Variants in DCHS2 observed in about 807,000 individuals in gnomAD.
The protein encoded by DCHS2 is dachsous cadherin-related 2.
In DCHS2, 142 loss-of-function variants were observed where a neutral mutation model predicts 182.4. The ratio of observed to expected loss-of-function variants is 0.78; its 90% CI spans 0.68 to 0.89. DCHS2 has a LOEUF of 0.89. Among genes scored for constraint, DCHS2 ranks in the 40% least tolerant of loss-of-function variants. The probability of loss-of-function intolerance (pLI) is 0.00; values close to 1 mark genes in which losing one functional copy is unlikely to be tolerated. For missense variants in DCHS2, 4,319 were observed against 4,198.6 expected (o/e 1.03, Z -0.79); for synonymous variants, 1,740 against 1,663.3 (o/e 1.05, Z -1.12).
chr4:154,321,039 T>C lies in DCHS2; in HGVS notation c.4360A>G (p.Ile1454Val), dbSNP rs750205320. The stretch of plus-strand genomic sequence containing the variant: ...AACAAGTCTCCGGTTGAGCTGTCTA[T>C]TTCAAAGTGTCCATCCTTATCATCT... ...VADDKDGHFE[I>V]DSSTGDLFLS... The change falls in exon 9 of 20, where the codon ATA (isoleucine) becomes GTA (valine). Residue 1454 changes from isoleucine to valine, a missense_variant. Coordinates refer to ENST00000357232, the MANE Select transcript of DCHS2 (RefSeq NM_001358235.2). 4 of 1,613,544 alleles carry C rather than the reference T, an allele frequency of 2.5e-6. No homozygotes were observed. In the African/African-American group the frequency reaches 5.3e-5, roughly 22 times the overall value.
At chr4:154,457,452 T>C (rs1412238160) in intron 1 of DCHS2, among the ~76,000 whole-genome samples, 3 of 152,162 alleles carry the variant, frequency 2.0e-5, no homozygotes, top group Non-Finnish European at 2.9e-5. Flanking sequence ...CATGCCTGGT[T>C]CCTCTAGCTC....
At chr4:154,343,732 C>T (rs1340814434) in intron 3 of DCHS2, 1 of 1,205,150 alleles carries the variant, frequency 8.3e-7, no homozygotes, top group Non-Finnish European at 1.0e-6. Flanking sequence ...ATCCAGACCA[C>T]TCAAACTTTC....
intron 3 of DCHS2, chr4:154,355,643 G>GACCAGCATTCCAGTA (rs1729825798): frequency 6.6e-6 from 1 of 152,138 alleles, no homozygotes; most frequent in Non-Finnish European, 1.5e-5. Context: ...TCTAGACCAG[G>GACCAGCATTCCAGTA]ACCAGCATTC....
intron 13 of DCHS2, among the ~76,000 whole-genome samples, chr4:154,282,082 T>G (rs1315189487): frequency 6.6e-6 from 1 of 152,008 alleles, no homozygotes; most frequent in African/African-American, 2.4e-5. Context: ...ATTAATATAA[T>G]ATAGGAGGAG....
At position 154,235,028 on chromosome 4, in the gene DCHS2, T is replaced by C. The variant is rs765745454; in HGVS notation, c.9624A>G (p.Ser3208=). 2.0e-5 allele frequency: 33 copies of C among 1,613,900 alleles called. No individual in the cohort carries two copies. Among genetic ancestry groups the C allele is most frequent in the Non-Finnish European group, 2.6e-5 (31 of 1,179,984 alleles). ...ADVRKESVFI[S]GDQEVRCAAL... ...CTGCACACCTTACTTCCTGATCACC[T>C]GAAATAAAGACAGACTCTTTTCTAA... is the stretch of plus-strand genomic sequence containing the variant. Residue 3208 remains serine (S), a synonymous_variant, in exon 20 of 20, where the codon TCA becomes TCG. Transcript: ENST00000357232.
At chr4:154,271,003 G>A (rs975981777) in intron 13 of DCHS2, among the ~76,000 whole-genome samples, 4 of 152,136 alleles carry the variant, frequency 2.6e-5, no homozygotes, top group Admixed American at 1.3e-4. Flanking sequence ...ATTCAGTTAG[G>A]TATAGGAATT....
At chr4:154,300,471 T>G (rs1294586072) in intron 12 of DCHS2, among the ~76,000 whole-genome samples, 1 of 141,664 alleles carries the variant, frequency 7.1e-6, no homozygotes, top group Non-Finnish European at 1.5e-5. Context: ...TCCAGGAATT[T>G]GAGTCCAGCC....
Position 154,236,930 on chromosome 4 carries a change from G to T in DCHS2, c.7722C>A (p.Ile2574=). The T allele has an allele frequency of 6.2e-7, 1 of 1,614,040 alleles. No homozygotes were observed. The highest frequency in any genetic ancestry group is 8.5e-7 in the Non-Finnish European group (1 of 1,179,940). Residue 2574 remains isoleucine (I), a synonymous_variant, in exon 20 of 20, where the codon ATC becomes ATA. Coordinates refer to ENST00000357232, the MANE Select transcript of DCHS2 (RefSeq NM_001358235.2). Reference sequence around the variant, plus strand: ...TGTTTTCACGGGTCCAGTCATGGTCGATGTTTGAAAATGTAACAAGCGTGC... The same window carrying T: ...TGTTTTCACGGGTCCAGTCATGGTCTATGTTTGAAAATGTAACAAGCGTGC... The part of the protein sequence containing the change: ...VGSTLVTFSN[I]DHDWTRENTY...
chr4:154,473,386 G>T (rs1171097901), intron 1 of DCHS2, among the ~76,000 whole-genome samples: 1 of 152,180 alleles, frequency 6.6e-6, no homozygotes, highest in Non-Finnish European at 1.5e-5. Context: ...GTGACCAGCT[G>T]CAAGGAAAGA....
chr4:154,309,303 C>T (rs1245566363), intron 10 of DCHS2, among the ~76,000 whole-genome samples: 3 of 152,180 alleles, frequency 2.0e-5, no homozygotes, highest in Non-Finnish European at 1.5e-5. Flanking sequence ...AACTACCTCT[C>T]TCCTAGGGTT....
At chr4:154,265,987 A>T (rs1474871373) in intron 14 of DCHS2, among the ~76,000 whole-genome samples, 1 of 152,186 alleles carries the variant, frequency 6.6e-6, no homozygotes. Flanking sequence ...TAGGCACAGT[A>T]AGAAATTAAC....
chr4:154,490,239 G>C lies in DCHS2; in HGVS notation c.1117C>G (p.Arg373Gly). The change falls in exon 1 of 20, where the codon CGC becomes GGC. Residue 373 changes from arginine (R) to glycine (G), a missense_variant. Physicochemically the swap from Arg to Gly is moderately radical, Grantham distance 125 (BLOSUM62 -2). Coordinates refer to ENST00000357232, the MANE Select transcript of DCHS2 (RefSeq NM_001358235.2). ...GVVRVWRPLD[R>G]EAQAWHQLVV... Reference sequence around the variant, plus strand: ...AACTGGTGCCAGGCCTGTGCCTCGCGGTCCAGAGGTCTCCACACTCGCACC... The same window carrying C: ...AACTGGTGCCAGGCCTGTGCCTCGCCGTCCAGAGGTCTCCACACTCGCACC... The C allele has an allele frequency of 6.5e-7, 1 of 1,549,500 alleles. No individual in the cohort carries two copies. The highest frequency in any genetic ancestry group is 8.7e-7 in the Non-Finnish European group (1 of 1,146,740).
At chr4:154,352,001 C>T (rs1005178302) in intron 3 of DCHS2, among the ~76,000 whole-genome samples, 1 of 151,952 alleles carries the variant, frequency 6.6e-6, no homozygotes, top group African/African-American at 2.4e-5. Flanking sequence ...TAGCTAGGTG[C>T]ATTCAACTCA....
At chr4:154,390,906 TAGAAA>T (rs1303616536) in intron 1 of DCHS2, among the ~76,000 whole-genome samples, 5 of 152,244 alleles carry the variant, frequency 3.3e-5, no homozygotes, top group Non-Finnish European at 7.3e-5. Context: ...AGTATATGAT[TAGAAA>T]ATTTTATTTA....
rs191557983 is a variant in DCHS2, at chr4:154,251,136, G to A, written c.6941+4383C>T. ...ATTAACATCTCAGTCCATTTCCTAC[G>A]TTGCCTGTAAAATTGCTTTCTCCCA... On this transcript the variant is annotated intron_variant, in intron 16 of 19. Transcript: ENST00000357232. Among the ~76,000 whole-genome samples, 596 of 152,232 alleles carry A rather than the reference G, an allele frequency of 3.9e-3. 8 individuals carry two copies. The highest frequency in any genetic ancestry group is 0.014 in the African/African-American group (581 of 41,534).
intron 1 of DCHS2, among the ~76,000 whole-genome samples, chr4:154,485,397 C>T (rs943579611): frequency 9.8e-5 from 15 of 152,306 alleles, no homozygotes; most frequent in Admixed American, 9.2e-4. Flanking sequence ...AACAGATACA[C>T]GCCTCTTGAG....
chr4:154,334,511 G>T (rs960670092), intron 4 of DCHS2: 5 of 201,616 alleles, frequency 2.5e-5, no homozygotes, highest in Non-Finnish European at 5.1e-5. Flanking sequence ...AGTGGGGAAA[G>T]AAGCTCTATA....
At position 154,301,018 on chromosome 4, in the gene DCHS2, T is replaced by C. The variant is rs565601347; in HGVS notation, c.5606-2310A>G. Among the ~76,000 whole-genome samples, 16 of 152,318 alleles carry C rather than the reference T, an allele frequency of 1.1e-4. No individual in the cohort carries two copies. The South Asian group carries it at 3.3e-3, about 32-fold the overall frequency. On this transcript the variant is annotated intron_variant, in intron 12 of 19. Transcript: ENST00000357232. ...AATCTCCAGAAGTTCAATTTAAATATCCTTATTCCTAAAATTGCTCTACCT... is the reference window on the plus strand; with the variant it reads ...AATCTCCAGAAGTTCAATTTAAATACCCTTATTCCTAAAATTGCTCTACCT...
rs1226402180 is a variant in DCHS2 at position 154,240,723 on chromosome 4, G to A, written c.7173C>T (p.Thr2391=). ...CAGTGTTCTGATCAATAGCAAACTT[G>A]GTTCCAGGATTACTCTCTTTGGCAA... ...FSFAKESNPG[T]KFAIDQNTGV... is the part of the protein sequence containing the mutation. Residue 2391 remains threonine, a synonymous_variant, in exon 18 of 20, where the codon ACC becomes ACT. Transcript: ENST00000357232. 3 of 1,613,796 alleles carry A rather than the reference G, an allele frequency of 1.9e-6. No homozygotes were observed. The highest frequency in any genetic ancestry group is 2.5e-6 in the Non-Finnish European group (3 of 1,179,906).
Sources: allele counts gnomAD v4.1 joint callset (sites outside exome capture counted in the v4.1 genomes callset), GRCh38; gene constraint gnomAD v4.1.1; transcripts MANE v1.5; gene names NCBI Gene and HGNC (gene_info 2026-07-23, HGNC 2026-07-21).